TBC1D32: variants seen among roughly 807,000 people sequenced by gnomAD.
TBC1D32 encodes the protein TBC1 domain family member 32, also known as protein broad-minded.
In TBC1D32, 151 loss-of-function variants were observed where a neutral mutation model predicts 170.3. That is an observed-to-expected ratio of 0.89 (90% CI 0.78 to 1.01). TBC1D32 has a LOEUF of 1.01. Among genes scored for constraint, TBC1D32 ranks in the 50% least tolerant of loss-of-function variants. The probability of loss-of-function intolerance (pLI) is 0.00; values close to 1 mark genes in which losing one functional copy is unlikely to be tolerated. For missense variants in TBC1D32, 1,464 were observed against 1,457.1 expected, an observed-to-expected ratio of 1.00 and a Z score of -0.08; for synonymous variants, 498 against 488.0, an observed-to-expected ratio of 1.02 and a Z score of -0.27.
At chr6:121,132,315 C>T (rs1434072346) in intron 24 of TBC1D32, among the ~76,000 whole-genome samples, 3 of 151,904 alleles carry the variant, frequency 2.0e-5, no homozygotes, top group Non-Finnish European at 2.9e-5. Flanking sequence ...CGTTGAGCTT[C>T]GTGTTGTTTC....
chr6:121,100,313 G>A (rs1473005854), intron 30 of TBC1D32, among the ~76,000 whole-genome samples: 1 of 151,884 alleles, frequency 6.6e-6, no homozygotes, highest in Non-Finnish European at 1.5e-5. Flanking sequence ...TTCAATTCCT[G>A]GATATCCTTT....
At chr6:121,246,590 G>A (rs1318693482) in intron 17 of TBC1D32, among the ~76,000 whole-genome samples, 1 of 151,396 alleles carries the variant, frequency 6.6e-6, no homozygotes, top group Non-Finnish European at 1.5e-5. Flanking sequence ...AGCTACTCAA[G>A]GAGATAACAG....
chr6:121,258,791 C>A (rs1048078224), intron 15 of TBC1D32, among the ~76,000 whole-genome samples: 2 of 152,068 alleles, frequency 1.3e-5, no homozygotes, highest in Non-Finnish European at 2.9e-5. Context: ...CAGCTCAGTG[C>A]TCCATTGTGT....
intron 22 of TBC1D32, among the ~76,000 whole-genome samples, chr6:121,192,935 G>A (rs1378541511): frequency 1.3e-5 from 2 of 152,082 alleles, no homozygotes; most frequent in African/African-American, 4.8e-5. Context: ...ATTCTCCTCA[G>A]GAGCCACCTC....
intron 12 of TBC1D32, among the ~76,000 whole-genome samples, chr6:121,289,247 T>C (rs1262822936): frequency 6.6e-6 from 1 of 152,190 alleles, no homozygotes; most frequent in South Asian, 2.1e-4. Context: ...ATTGTATATC[T>C]AGAAAACCCC....
chr6:121,182,623 C>T (rs1370164215), intron 22 of TBC1D32, among the ~76,000 whole-genome samples: 1 of 151,928 alleles, frequency 6.6e-6, no homozygotes, highest in Non-Finnish European at 1.5e-5. Context: ...TATTATTTTG[C>T]TTAACCATAA....
chr6:121,291,308 CTTTCTAAGGATAGTTG>C (rs1177092459), intron 12 of TBC1D32, among the ~76,000 whole-genome samples: 2 of 151,922 alleles, frequency 1.3e-5, no homozygotes, highest in Admixed American at 6.6e-5. Context: ...GCAAGCTGGC[CTTTCTAAGGATAGTTG>C]TTTCAGGCCT....
chr6:121,193,831 G>A (rs941268427), intron 22 of TBC1D32, among the ~76,000 whole-genome samples: 5 of 152,212 alleles, frequency 3.3e-5, no homozygotes, highest in East Asian at 3.9e-4. Context: ...GAATCACAGC[G>A]CCTCAATCAA....
At chr6:121,150,719 G>T (rs565058423) in intron 24 of TBC1D32, among the ~76,000 whole-genome samples, 1 of 152,050 alleles carries the variant, frequency 6.6e-6, no homozygotes, top group Non-Finnish European at 1.5e-5. Context: ...ACTTCTTCCT[G>T]GTTTAGTCTT....
At chr6:121,218,583 G>C (rs1794111088) in intron 21 of TBC1D32, among the ~76,000 whole-genome samples, 1 of 152,118 alleles carries the variant, frequency 6.6e-6, no homozygotes, top group Non-Finnish European at 1.5e-5. Flanking sequence ...TGTGTGCCTA[G>C]AATATAAAGC....
rs780266889 is a variant in TBC1D32 at position 121,304,412 on chromosome 6, A to G, written c.888T>C (p.Asn296=). The change falls in exon 8 of 32, where the codon AAT becomes AAC. Residue 296 remains asparagine, a synonymous_variant. Coordinates refer to ENST00000398212, the MANE Select transcript of TBC1D32 (RefSeq NM_152730.6). ...TRLLKKVRLL[N]EYQKEAPSFW... is the part of the protein sequence containing the mutation. ...AAGATGGAGCTTCTTTCTGATATTC[A>G]TTTAGAAGACGAACCTACAAAGCAG... 2 of 1,613,524 alleles carry G rather than the reference A, an allele frequency of 1.2e-6. No individual in the cohort carries two copies. The highest frequency in any genetic ancestry group is 2.2e-5 in the East Asian group (1 of 44,838).
intron 12 of TBC1D32, among the ~76,000 whole-genome samples, chr6:121,284,575 G>A (rs1803513812): frequency 6.6e-6 from 1 of 152,034 alleles, no homozygotes; most frequent in African/African-American, 2.4e-5. Flanking sequence ...ACCAAATGTG[G>A]CCCATAGACA....
intron 19 of TBC1D32, among the ~76,000 whole-genome samples, chr6:121,240,385 T>TTTTTTTTA (rs71018118): frequency 2.1e-5 from 3 of 142,750 alleles, no homozygotes; most frequent in Non-Finnish European, 4.6e-5. Flanking sequence ...TTTTTTTTTT[T>TTTTTTTTA]ACCAAGAAAC....
At chr6:121,148,488 T>C (rs1460252521) in intron 24 of TBC1D32, among the ~76,000 whole-genome samples, 1 of 151,790 alleles carries the variant, frequency 6.6e-6, no homozygotes, top group Non-Finnish European at 1.5e-5. Flanking sequence ...TAAAATCCTC[T>C]GGGTATATAC....
intron 26 of TBC1D32, among the ~76,000 whole-genome samples, chr6:121,121,125 T>C (rs955041005): frequency 2.0e-5 from 3 of 151,958 alleles, no homozygotes. Context: ...CCATATACAA[T>C]ATAATAAAAC....
In TBC1D32 at chr6:121,218,508, G is replaced by T. The variant is rs938438793; in HGVS notation, c.2481+4728C>A. On this transcript the variant is annotated intron_variant, in intron 21 of 31. Coordinates refer to ENST00000398212, the MANE Select transcript of TBC1D32 (RefSeq NM_152730.6). Reference sequence around the variant, plus strand: ...GTGTTGCCAAAGGAGATTAACATTTGAGTCAGTGGGCTGGGAAAGGCAGAC... The same window carrying T: ...GTGTTGCCAAAGGAGATTAACATTTTAGTCAGTGGGCTGGGAAAGGCAGAC... 1.3e-5 allele frequency among the ~76,000 whole-genome samples: 2 copies of T among 152,210 alleles called. 1 individual carries two copies. The highest frequency in any genetic ancestry group is 1.3e-4 in the Admixed American group (2 of 15,298).
intron 21 of TBC1D32, among the ~76,000 whole-genome samples, chr6:121,208,123 A>T (rs919975045): frequency 6.6e-6 from 1 of 151,638 alleles, no homozygotes; most frequent in Non-Finnish European, 1.5e-5. Flanking sequence ...AAAAAAAAAG[A>T]TATGTCCAAG....
intron 22 of TBC1D32, among the ~76,000 whole-genome samples, chr6:121,174,201 G>A (rs1229868369): frequency 1.3e-5 from 2 of 152,016 alleles, no homozygotes; most frequent in Non-Finnish European, 2.9e-5. Flanking sequence ...AACAGATACT[G>A]TTAAGAAGAT....
chr6:121,321,124 T>A (rs1809643402), intron 2 of TBC1D32, among the ~76,000 whole-genome samples: 1 of 152,214 alleles, frequency 6.6e-6, no homozygotes, highest in South Asian at 2.1e-4. Context: ...TTAGAAGTGT[T>A]TTTATCTTTA....
Sources: gnomAD v4.1 joint callset for allele counts (sites outside exome capture counted in the v4.1 genomes callset) on GRCh38, gnomAD v4.1.1 for gene constraint, MANE v1.5 for transcripts, NCBI Gene and HGNC (gene_info 2026-07-23, HGNC 2026-07-21) for gene names.